The following PSD3 variants were observed in gnomAD, a reference collection of about 807,000 sequenced individuals.
PSD3 encodes the protein PH and SEC7 domain-containing protein 3.
A neutral mutation model predicts 105.5 loss-of-function variants in PSD3; 49 were observed. The ratio of observed to expected loss-of-function variants is 0.46; its 90% confidence interval spans 0.37 to 0.59. The LOEUF (loss-of-function observed/expected upper bound fraction) is 0.59. Ranked by LOEUF, PSD3 falls within the 20% of genes least tolerant of loss-of-function variation. PSD3 has a pLI of 0.00. For missense variants in PSD3, 1,561 were observed against 1,263.8 expected, an observed-to-expected ratio of 1.24 and a Z score of -3.57; for synonymous variants, 557 against 457.8, an observed-to-expected ratio of 1.22 and a Z score of -2.77.
chr8:18,734,424 A>C (rs1692034801), intron 9 of PSD3: 1 of 152,134 alleles, frequency 6.6e-6, no homozygotes, highest in South Asian at 2.1e-4. Flanking sequence ...TCTTTTTTTA[A>C]ATCATGGAAA....
intron 1 of PSD3, among the ~76,000 whole-genome samples, chr8:19,054,401 T>C (rs977864765): frequency 6.6e-6 from 1 of 152,114 alleles, no homozygotes; most frequent in African/African-American, 2.4e-5. Context: ...TTTTGGTGCC[T>C]GGAAGAACTT....
chr8:18,830,754 T>A (rs535927445), intron 4 of PSD3, among the ~76,000 whole-genome samples: 17 of 152,274 alleles, frequency 1.1e-4, no homozygotes, highest in Non-Finnish European at 2.2e-4. Context: ...GCTGCACTGC[T>A]CCCACTGCAG....
intron 8 of PSD3, among the ~76,000 whole-genome samples, chr8:18,784,919 A>G (rs1391269595): frequency 6.6e-6 from 1 of 152,100 alleles, no homozygotes; most frequent in Non-Finnish European, 1.5e-5. Context: ...CCTTCACCCT[A>G]TTCTTGCTCC....
At chr8:18,829,863 C>A (rs887658405) in intron 4 of PSD3, among the ~76,000 whole-genome samples, 1 of 152,184 alleles carries the variant, frequency 6.6e-6, no homozygotes, top group African/African-American at 2.4e-5. Flanking sequence ...AACCGTTTCA[C>A]AGGGCCTGAT....
intron 4 of PSD3, among the ~76,000 whole-genome samples, chr8:18,851,574 T>C (rs1358811504): frequency 6.6e-6 from 1 of 152,224 alleles, no homozygotes; most frequent in Non-Finnish European, 1.5e-5. Flanking sequence ...CACAGCAGCA[T>C]GGCTGGAGCT....
At chr8:18,556,102 G>A in intron 15 of PSD3, 107 bp downstream of exon 15, 3 of 1,338,808 alleles carry the variant, frequency 2.2e-6, no homozygotes, top group Non-Finnish European at 3.0e-6. Context: ...AGAGCCAGGG[G>A]CAAGACACGC....
At chr8:18,557,455 T>A (rs753855273) in intron 14 of PSD3, 3 of 154,014 alleles carry the variant, frequency 1.9e-5, no homozygotes, top group Non-Finnish European at 2.9e-5. Context: ...GAGCGTCACA[T>A]ATAATATCTT....
At chr8:18,555,797 G>T (rs759644830) in intron 15 of PSD3, among the ~76,000 whole-genome samples, 1 of 152,160 alleles carries the variant, frequency 6.6e-6, no homozygotes, top group Non-Finnish European at 1.5e-5. Context: ...GCAAGAATGT[G>T]CAGGGAAAAG....
At chr8:18,976,896 C>T (rs1218362570) in intron 1 of PSD3, among the ~76,000 whole-genome samples, 1 of 151,990 alleles carries the variant, frequency 6.6e-6, no homozygotes, top group Non-Finnish European at 1.5e-5. Context: ...ATACAAAGGA[C>T]GTATATGTGG....
chr8:18,675,232 G>A (rs1800004014), intron 9 of PSD3, among the ~76,000 whole-genome samples: 1 of 152,126 alleles, frequency 6.6e-6, no homozygotes, highest in Admixed American at 6.5e-5. Context: ...CCCTTGTCAT[G>A]AGCCACTGGG....
intron 1 of PSD3, among the ~76,000 whole-genome samples, chr8:18,978,972 G>C (rs1186505081): frequency 4.6e-5 from 7 of 152,128 alleles, no homozygotes; most frequent in Non-Finnish European, 8.8e-5. Flanking sequence ...AAGAAAGCCA[G>C]ACAGGAGTCC....
chr8:18,727,333 T>C (rs1803400101), intron 9 of PSD3, among the ~76,000 whole-genome samples: 1 of 54,204 alleles, frequency 1.8e-5, no homozygotes, highest in Non-Finnish European at 3.1e-5. Flanking sequence ...AGACTGTGTC[T>C]CAAAAAAAAA....
chr8:18,705,534 CAAAAAAAAAA>C (rs34331384), intron 9 of PSD3, among the ~76,000 whole-genome samples: 7 of 88,436 alleles, frequency 7.9e-5, no homozygotes, highest in South Asian at 4.5e-4. Flanking sequence ...CTGTCTCAAG[CAAAAAAAAAA>C]AAAAAAAAAA....
chr8:18,658,165 G>A (rs912380084), intron 9 of PSD3, among the ~76,000 whole-genome samples: 3 of 152,170 alleles, frequency 2.0e-5, no homozygotes, highest in African/African-American at 7.2e-5. Context: ...TTTGTAGCAT[G>A]CCGAATCCAG....
chr8:18,559,494 T>C (rs978934047), intron 14 of PSD3, among the ~76,000 whole-genome samples: 2 of 152,136 alleles, frequency 1.3e-5, no homozygotes, highest in East Asian at 1.9e-4. Context: ...TTATAATATA[T>C]ATGTTAAGAA....
chr8:18,932,890 A>T (rs1821834841), intron 2 of PSD3, among the ~76,000 whole-genome samples: 1 of 152,248 alleles, frequency 6.6e-6, no homozygotes, highest in African/African-American at 2.4e-5. Flanking sequence ...AATTCTAGTC[A>T]TCCTTCAAGA....
At chr8:18,800,132 G>T (rs368117340) in intron 7 of PSD3, among the ~76,000 whole-genome samples, 33 of 152,092 alleles carry the variant, frequency 2.2e-4, no homozygotes, top group African/African-American at 7.7e-4. Flanking sequence ...GAACTCAGCA[G>T]CCAACTCTCA....
At chr8:18,677,937 G>C (rs1039137222) in intron 9 of PSD3, among the ~76,000 whole-genome samples, 82 of 151,316 alleles carry the variant, frequency 5.4e-4, no homozygotes, top group African/African-American at 1.8e-3. Context: ...GTGAACCTGG[G>C]AGGCAGAGCT....
rs911850077 is a variant in PSD3 at position 18,618,451 on chromosome 8, T to A, written c.2410+14162A>T. ...TCAAATATTTTACAGACTTTGGCTT[T>A]TTTTTGTCAACAATATCATTTTTAA... On this transcript the variant is annotated intron_variant, in intron 11 of 15. Transcript: ENST00000327040. 5.9e-5 allele frequency among the ~76,000 whole-genome samples: 9 copies of A among 151,432 alleles called. 1 individual carries two copies. The highest frequency in any genetic ancestry group is 8.9e-5 in the Non-Finnish European group (6 of 67,652).
Sources: allele counts gnomAD v4.1 joint callset (sites outside exome capture counted in the v4.1 genomes callset), GRCh38; gene constraint gnomAD v4.1.1; transcripts MANE v1.5; gene names NCBI Gene and HGNC (gene_info 2026-07-23, HGNC 2026-07-21).